Variants in COL6A6 observed in about 807,000 individuals in gnomAD.
The protein encoded by COL6A6 is collagen alpha-6(VI) chain.
In COL6A6, 183 loss-of-function variants were observed where a neutral mutation model predicts 208.6. That is an observed-to-expected ratio of 0.88 (90% CI 0.78 to 0.99). The LOEUF (loss-of-function observed/expected upper bound fraction) is 0.99, where lower values mean the gene tolerates loss of function less well. COL6A6 is among the 50% of genes least tolerant of loss of function. COL6A6 has a pLI of 0.00. For synonymous variants in COL6A6, 973 were observed against 1,011.8 expected (o/e 0.96, Z 0.73); for missense variants, 2,816 against 2,815.2 (o/e 1.00, Z -0.01).
chr3:130,637,691 T>A (rs575332971), intron 28 of COL6A6, among the ~76,000 whole-genome samples: 1 of 152,374 alleles, frequency 6.6e-6, no homozygotes, highest in South Asian at 2.1e-4. Flanking sequence ...TTTGAATGAT[T>A]ATACTCCTTG....
intron 1 of COL6A6, among the ~76,000 whole-genome samples, chr3:130,542,537 C>G (rs2062393611): frequency 6.6e-6 from 1 of 152,112 alleles, no homozygotes; most frequent in Non-Finnish European, 1.5e-5. Flanking sequence ...CCATTATATA[C>G]AGTTGATTGA....
chr3:130,658,738 A>T lies in COL6A6; in HGVS notation c.5796A>T (p.Ala1932=), dbSNP rs764398348. The T allele has an allele frequency of 1.2e-6, 2 of 1,613,186 alleles. No homozygotes were observed. The highest frequency in any genetic ancestry group is 2.2e-5 in the South Asian group (2 of 90,784). ...VVPSGADYIP[A]LERLQRCTFC... ...CCTCCGGGGCCGACTACATACCAGCATTAGAGAGACTCCAGCGGTGCACTT... is the reference window on the plus strand; with the variant it reads ...CCTCCGGGGCCGACTACATACCAGCTTTAGAGAGACTCCAGCGGTGCACTT... The change falls in exon 34 of 37, where the codon GCA becomes GCT. Residue 1932 remains alanine (A), a synonymous_variant. Transcript: ENST00000358511.
chr3:130,587,084 G>A (rs2063559323), intron 11 of COL6A6, among the ~76,000 whole-genome samples: 1 of 152,194 alleles, frequency 6.6e-6, no homozygotes, highest in Non-Finnish European at 1.5e-5. Flanking sequence ...TGTTTAAGAT[G>A]TGTATTTTTC....
intron 36 of COL6A6, among the ~76,000 whole-genome samples, chr3:130,672,926 T>C (rs959923948): frequency 6.8e-6 from 1 of 147,762 alleles, no homozygotes; most frequent in African/African-American, 2.5e-5. Context: ...GGAGAATCAC[T>C]CGAAACCCGG....
chr3:130,523,905 A>G (rs1175681832), intron 1 of COL6A6, among the ~76,000 whole-genome samples: 1 of 152,188 alleles, frequency 6.6e-6, no homozygotes, highest in African/African-American at 2.4e-5. Context: ...CAATATCTGC[A>G]TTCCCTGGGT....
intron 33 of COL6A6, among the ~76,000 whole-genome samples, chr3:130,656,630 G>A (rs1355445630): frequency 6.6e-6 from 1 of 152,186 alleles, no homozygotes; most frequent in Non-Finnish European, 1.5e-5. Flanking sequence ...CTGGCTTGAA[G>A]GTGGGGTTTC....
At chr3:130,585,660 G>A (rs937137205) in intron 10 of COL6A6, among the ~76,000 whole-genome samples, 9 of 152,234 alleles carry the variant, frequency 5.9e-5, no homozygotes, top group South Asian at 4.1e-4. Flanking sequence ...CAAAGCCTCC[G>A]AGCCACAGCT....
Position 130,641,720 on chromosome 3 carries a change from T to C in COL6A6, c.5154+6T>C, listed in dbSNP as rs1273448958. 4 of 1,562,106 alleles carry C rather than the reference T, an allele frequency of 2.6e-6. No individual in the cohort carries two copies. The highest frequency in any genetic ancestry group is 2.7e-5 in the African/African-American group (2 of 73,742). On this transcript the variant is annotated splice_donor_region_variant and intron_variant, in intron 29 of 36. Transcript: ENST00000358511. ...CAGGACCTCCTGGACGTAAGGTAAG[T>C]AGAAAAACTATAAACCACAGCAGGT...
In COL6A6 at chr3:130,566,811, GA is replaced by G. The variant is rs1178067330; in HGVS notation, c.1393del (p.Met465CysfsTer55). 1 of 1,613,884 alleles carries G rather than the reference GA, an allele frequency of 6.2e-7. No individual in the cohort carries two copies. Among genetic ancestry groups the G allele is most frequent in the Non-Finnish European group, 8.5e-7 (1 of 1,179,902 alleles). The part of the protein sequence containing the change: ...MKTFLSEVVG[M>X]FNIAPHKVRV... ...AGACGTTCCTGTCAGAGGTGGTAGG[GA>G]TGTTCAACATTGCTCCCCATAAGGT... On this transcript the variant is annotated frameshift_variant, in exon 5 of 37. Transcript: ENST00000358511. LOFTEE classifies it high-confidence loss of function.
At chr3:130,667,133 G>A (rs2066093849) in intron 36 of COL6A6, among the ~76,000 whole-genome samples, 1 of 152,180 alleles carries the variant, frequency 6.6e-6, no homozygotes, top group South Asian at 2.1e-4. Context: ...AACTTCTACA[G>A]TATGTACTTC....
At chr3:130,549,068 C>A (rs1040430452) in intron 1 of COL6A6, among the ~76,000 whole-genome samples, 7 of 152,304 alleles carry the variant, frequency 4.6e-5, no homozygotes, top group Non-Finnish European at 8.8e-5. Context: ...CTCCTTTAAA[C>A]CTATATTAAC....
chr3:130,528,304 G>A (rs986580570), intron 1 of COL6A6, among the ~76,000 whole-genome samples: 53 of 152,090 alleles, frequency 3.5e-4, no homozygotes, highest in Admixed American at 1.3e-4. Flanking sequence ...ACTTTGATGG[G>A]TATGCAGATC....
intron 27 of COL6A6, 37 bp downstream of exon 27, chr3:130,634,662 A>G: frequency 6.6e-7 from 1 of 1,516,632 alleles, no homozygotes; most frequent in Non-Finnish European, 9.1e-7. Flanking sequence ...GATCAGTCAG[A>G]AATACTCCTG....
At chr3:130,656,828 AT>A (rs1365833218) in intron 33 of COL6A6, among the ~76,000 whole-genome samples, 2 of 152,246 alleles carry the variant, frequency 1.3e-5, no homozygotes, top group Non-Finnish European at 2.9e-5. Context: ...TGAGGCTGGC[AT>A]GTCAGCACTG....
intron 1 of COL6A6, among the ~76,000 whole-genome samples, chr3:130,552,606 T>C (rs1411558494): frequency 7.9e-5 from 12 of 152,202 alleles, no homozygotes; most frequent in Non-Finnish European, 1.6e-4. Context: ...AACTTGCCAC[T>C]CTCTGCCTTT....
intron 10 of COL6A6, among the ~76,000 whole-genome samples, chr3:130,585,089 T>G (rs905619680): frequency 6.6e-6 from 1 of 152,242 alleles, no homozygotes; most frequent in African/African-American, 2.4e-5. Context: ...AGCCAAGTCC[T>G]TGAACATTTA....
intron 19 of COL6A6, among the ~76,000 whole-genome samples, chr3:130,598,831 T>C (rs2063922081): frequency 6.6e-6 from 1 of 152,238 alleles, no homozygotes. Context: ...GAACAAGATC[T>C]GGTAGATAGA....
chr3:130,602,238 A>G (rs1303633491), intron 20 of COL6A6, among the ~76,000 whole-genome samples: 1 of 152,208 alleles, frequency 6.6e-6, no homozygotes, highest in Non-Finnish European at 1.5e-5. Context: ...AGCTCTAAGG[A>G]AAAAGAAATC....
intron 26 of COL6A6, among the ~76,000 whole-genome samples, chr3:130,634,242 TAAA>T (rs202193097): frequency 4.2e-5 from 1 of 23,794 alleles, no homozygotes; most frequent in South Asian, 1.7e-3. Context: ...AATAAATAAA[TAAA>T]AAAAAAAAAA....
Sources: gnomAD v4.1 joint callset for allele counts (sites outside exome capture counted in the v4.1 genomes callset) on GRCh38, gnomAD v4.1.1 for gene constraint, MANE v1.5 for transcripts, NCBI Gene and HGNC (gene_info 2026-07-23, HGNC 2026-07-21) for gene names.